Variants in FLRT1 observed in about 807,000 individuals in gnomAD.
FLRT1 encodes fibronectin leucine rich transmembrane protein 1.
A neutral mutation model predicts 30.9 loss-of-function variants in FLRT1; 14 were observed. The observed-to-expected ratio is 0.45, with a 90% confidence interval of 0.30 to 0.71. The LOEUF (loss-of-function observed/expected upper bound fraction) is 0.71. FLRT1 is among the 30% of genes least tolerant of loss of function. The pLI, the probability that FLRT1 is intolerant of heterozygous loss-of-function variation, is 0.08. For missense variants in FLRT1, 737 were observed against 949.2 expected, an observed-to-expected ratio of 0.78 and a Z score of 2.94; for synonymous variants, 368 against 430.4, an observed-to-expected ratio of 0.85 and a Z score of 1.80.
chr11:64,047,790 G>A (rs2701552), intron 1 of FLRT1, among the ~76,000 whole-genome samples: 31,409 of 151,670 alleles, frequency 0.21, 3,568 homozygotes, highest in Non-Finnish European at 0.25. Context: ...CCAGCAACTC[G>A]GGAGGCTGAG....
intron 1 of FLRT1, among the ~76,000 whole-genome samples, chr11:64,070,842 AAG>A (rs1944095889): frequency 6.6e-6 from 1 of 152,076 alleles, no homozygotes; most frequent in African/African-American, 2.4e-5. Context: ...CTCGTTTTGG[AAG>A]AGGGGAGAGG....
chr11:64,061,712 T>C (rs923437676), intron 1 of FLRT1, among the ~76,000 whole-genome samples: 1 of 151,740 alleles, frequency 6.6e-6, no homozygotes, highest in East Asian at 1.9e-4. Context: ...CTTTTTTTTT[T>C]TTTTTGAGAT....
At chr11:64,097,397 T>C (rs2134545367) in intron 1 of FLRT1, among the ~76,000 whole-genome samples, 1 of 152,286 alleles carries the variant, frequency 6.6e-6, no homozygotes, top group East Asian at 1.9e-4. Flanking sequence ...GAAGGGGAGA[T>C]GTCCCGTGGC....
chr11:64,060,761 A>T (rs976045384), intron 1 of FLRT1: 1 of 152,336 alleles, frequency 6.6e-6, no homozygotes, highest in East Asian at 1.9e-4. Context: ...TTCACCGGAA[A>T]ATGCGAGACT....
At chr11:64,063,990 C>T (rs559915143) in intron 1 of FLRT1, among the ~76,000 whole-genome samples, 14 of 152,294 alleles carry the variant, frequency 9.2e-5, no homozygotes, top group African/African-American at 3.4e-4. Context: ...AGTGACGGCT[C>T]CTCTTGTCAG....
At chr11:64,051,275 G>A (rs1943688947) in intron 1 of FLRT1, among the ~76,000 whole-genome samples, 1 of 152,218 alleles carries the variant, frequency 6.6e-6, no homozygotes, top group Non-Finnish European at 1.5e-5. Flanking sequence ...GGAGGGGAGG[G>A]GCTGGTCCCT....
At chr11:64,056,791 G>A (rs1943794142) in intron 1 of FLRT1, among the ~76,000 whole-genome samples, 1 of 152,126 alleles carries the variant, frequency 6.6e-6, no homozygotes, top group South Asian at 2.1e-4. Context: ...CTGGGCTGAA[G>A]GAAGGGTTCT....
chr11:64,104,553 CG>C (rs1944725468), intron 2 of FLRT1, among the ~76,000 whole-genome samples: 1 of 152,048 alleles, frequency 6.6e-6, no homozygotes, highest in Non-Finnish European at 1.5e-5. Flanking sequence ...GAGGCCTTGG[CG>C]GGGTGGTGGG....
intron 2 of FLRT1, among the ~76,000 whole-genome samples, chr11:64,108,427 C>A (rs533139876): frequency 6.6e-6 from 1 of 152,118 alleles, no homozygotes; most frequent in African/African-American, 2.4e-5. Flanking sequence ...GGCTTCCTGG[C>A]GAGAAGGAGG....
chr11:64,100,522 C>T (rs1424301881), intron 1 of FLRT1, among the ~76,000 whole-genome samples: 1 of 152,220 alleles, frequency 6.6e-6, no homozygotes, highest in Non-Finnish European at 1.5e-5. Flanking sequence ...GGCATGGTCT[C>T]CACTCACTCG....
intron 1 of FLRT1, among the ~76,000 whole-genome samples, chr11:64,095,508 G>A (rs1944560600): frequency 6.6e-6 from 1 of 152,228 alleles, no homozygotes; most frequent in African/African-American, 2.4e-5. Flanking sequence ...CCAGAGAGCT[G>A]GGAGCTGAGT....
chr11:64,098,359 T>G (rs1191737796), intron 1 of FLRT1, among the ~76,000 whole-genome samples: 2 of 152,108 alleles, frequency 1.3e-5, no homozygotes, highest in African/African-American at 4.8e-5. Flanking sequence ...CCCTCCCACC[T>G]CCAGTCTTCA....
At chr11:64,071,938 G>A (rs957511296) in intron 1 of FLRT1, among the ~76,000 whole-genome samples, 5 of 152,318 alleles carry the variant, frequency 3.3e-5, no homozygotes, top group African/African-American at 1.2e-4. Context: ...TCTAGGTCCC[G>A]GCTCTGCAGT....
chr11:64,043,126 G>A (rs1186277702), intron 1 of FLRT1, among the ~76,000 whole-genome samples: 1 of 152,214 alleles, frequency 6.6e-6, no homozygotes, highest in Non-Finnish European at 1.5e-5. Context: ...CCACACCTGT[G>A]AAACAGGATG....
chr11:64,097,991 G>A (rs937721303), intron 1 of FLRT1, among the ~76,000 whole-genome samples: 1 of 152,098 alleles, frequency 6.6e-6, no homozygotes, highest in East Asian at 1.9e-4. Flanking sequence ...AAAACCTGGG[G>A]GCCTCCCAAG....
At chr11:64,078,226 G>A (rs375872726) in intron 1 of FLRT1, among the ~76,000 whole-genome samples, 18 of 152,242 alleles carry the variant, frequency 1.2e-4, no homozygotes, top group Admixed American at 5.9e-4. Context: ...CCAGTAGGAC[G>A]TGCCCTCCAG....
intron 1 of FLRT1, among the ~76,000 whole-genome samples, chr11:64,045,892 G>A (rs1426408379): frequency 2.0e-5 from 3 of 152,154 alleles, no homozygotes; most frequent in Non-Finnish European, 4.4e-5. Flanking sequence ...TTTGAGACCA[G>A]CCTGGGCAAC....
chr11:64,100,894 G>T (rs546715503), intron 1 of FLRT1, among the ~76,000 whole-genome samples: 2 of 152,250 alleles, frequency 1.3e-5, no homozygotes, highest in South Asian at 4.2e-4. Context: ...GTGGACTGAG[G>T]ACATACAAAG....
At chr11:64,095,172 G>A (rs1944555412) in intron 1 of FLRT1, among the ~76,000 whole-genome samples, 1 of 152,244 alleles carries the variant, frequency 6.6e-6, no homozygotes. Context: ...CGTGTGAGGT[G>A]TGGGCTGGCT....
Sources: allele counts gnomAD v4.1 joint callset (sites outside exome capture counted in the v4.1 genomes callset), GRCh38; gene constraint gnomAD v4.1.1; transcripts MANE v1.5; gene names NCBI Gene and HGNC (gene_info 2026-07-23, HGNC 2026-07-21).